The following CDH13 variants were observed in gnomAD, a reference collection of about 807,000 sequenced individuals.
The protein encoded by CDH13 is cadherin-13.
A neutral mutation model predicts 63.8 loss-of-function variants in CDH13; 24 were observed. The observed-to-expected ratio is 0.38, with a 90% CI of 0.27 to 0.53. The LOEUF (loss-of-function observed/expected upper bound fraction) is 0.53, where lower values mean the gene tolerates loss of function less well. Ranked by LOEUF, CDH13 falls within the 20% of genes least tolerant of loss-of-function variation. The probability of loss-of-function intolerance (pLI) is 0.85; values close to 1 mark genes in which losing one functional copy is unlikely to be tolerated. For missense variants in CDH13, 1,049 were observed against 903.1 expected, an observed-to-expected ratio of 1.16 and a Z score of -2.07; for synonymous variants, 503 against 355.3, an observed-to-expected ratio of 1.42 and a Z score of -4.67.
At chr16:83,687,454 C>T (rs1184276718) in intron 10 of CDH13, among the ~76,000 whole-genome samples, 1 of 152,126 alleles carries the variant, frequency 6.6e-6, no homozygotes, top group African/African-American at 2.4e-5. Flanking sequence ...CGAGGTGCTA[C>T]ACACTTTTAA....
chr16:83,191,177 C>A (rs2038685104), intron 4 of CDH13, among the ~76,000 whole-genome samples: 1 of 145,838 alleles, frequency 6.9e-6, no homozygotes, highest in Admixed American at 7.1e-5. Flanking sequence ...GAATAAGAAC[C>A]TGCCTCCTGA....
intron 1 of CDH13, among the ~76,000 whole-genome samples, chr16:82,697,221 C>G (rs368517634): frequency 8.5e-5 from 13 of 152,106 alleles, no homozygotes; most frequent in Non-Finnish European, 1.9e-4. Context: ...AACCACCACA[C>G]TATGTCATCA....
chr16:83,217,657 G>C (rs978592912), intron 5 of CDH13, among the ~76,000 whole-genome samples, 160 bp downstream of exon 5: 6 of 152,130 alleles, frequency 3.9e-5, no homozygotes, highest in African/African-American at 1.4e-4. Context: ...ATTGAACCCT[G>C]ACAGGGCAAC....
At chr16:83,100,581 G>C (rs952654996) in intron 3 of CDH13, among the ~76,000 whole-genome samples, 1 of 152,176 alleles carries the variant, frequency 6.6e-6, no homozygotes, top group Non-Finnish European at 1.5e-5. Context: ...TGGTCCTGTA[G>C]TCCTCATCAC....
intron 2 of CDH13, among the ~76,000 whole-genome samples, chr16:82,994,043 C>G (rs563391812): frequency 1.3e-5 from 2 of 152,326 alleles, no homozygotes; most frequent in South Asian, 4.1e-4. Flanking sequence ...CCCATTCCCT[C>G]TGGTGCTGGT....
chr16:83,586,598 GC>G (rs1906182942), intron 7 of CDH13, among the ~76,000 whole-genome samples: 1 of 152,188 alleles, frequency 6.6e-6, no homozygotes, highest in Non-Finnish European at 1.5e-5. Flanking sequence ...AAGAGGCTTA[GC>G]CCTTGTCAGC....
intron 1 of CDH13, among the ~76,000 whole-genome samples, chr16:82,694,914 C>G (rs971559531): frequency 6.6e-6 from 1 of 152,092 alleles, no homozygotes; most frequent in Non-Finnish European, 1.5e-5. Context: ...ACAGATGGAA[C>G]TGAGGAGTCA....
At chr16:83,661,956 C>A (rs1913482070) in intron 8 of CDH13, among the ~76,000 whole-genome samples, 1 of 152,168 alleles carries the variant, frequency 6.6e-6, no homozygotes. Context: ...TTCATTTTCT[C>A]TCTCAGTGGA....
At chr16:83,447,969 GCT>G (rs2072761498) in intron 6 of CDH13, among the ~76,000 whole-genome samples, 3 of 152,096 alleles carry the variant, frequency 2.0e-5, no homozygotes, top group Admixed American at 2.0e-4. Context: ...GAAAAAGATT[GCT>G]CTGGGAGTTT....
At chr16:83,259,526 C>A (rs1308091411) in intron 5 of CDH13, among the ~76,000 whole-genome samples, 5 of 152,074 alleles carry the variant, frequency 3.3e-5, no homozygotes, top group Non-Finnish European at 5.9e-5. Flanking sequence ...CATTATGTTA[C>A]AAATGCATCC....
At chr16:83,618,219 G>C (rs527322216) in intron 8 of CDH13, among the ~76,000 whole-genome samples, 1 of 152,196 alleles carries the variant, frequency 6.6e-6, no homozygotes, top group Non-Finnish European at 1.5e-5. Flanking sequence ...AAGCTCAGGA[G>C]TTCAAGACCA....
intron 6 of CDH13, among the ~76,000 whole-genome samples, chr16:83,480,822 G>C (rs1049000980): frequency 1.3e-5 from 2 of 152,022 alleles, no homozygotes; most frequent in Non-Finnish European, 2.9e-5. Context: ...AATGAGAATC[G>C]TTCCAACTAG....
chr16:82,675,468 C>T (rs1039241389), intron 1 of CDH13, among the ~76,000 whole-genome samples: 8 of 152,112 alleles, frequency 5.3e-5, no homozygotes, highest in Non-Finnish European at 2.9e-5. Flanking sequence ...GTAAGCTTGC[C>T]ATTACCAAGG....
intron 4 of CDH13, among the ~76,000 whole-genome samples, chr16:83,216,826 A>G (rs1028917495): frequency 1.9e-4 from 29 of 151,172 alleles, no homozygotes; most frequent in African/African-American, 6.6e-4. Flanking sequence ...ATGTGTATAT[A>G]TGTATATGTA....
At chr16:83,717,807 C>T (rs1028243661) in intron 10 of CDH13, 3 of 152,208 alleles carry the variant, frequency 2.0e-5, no homozygotes, top group African/African-American at 4.8e-5. Flanking sequence ...AAAATCTTAC[C>T]GTGCACGTTC....
At chr16:83,544,609 A>G (rs956139473) in intron 7 of CDH13, among the ~76,000 whole-genome samples, 1 of 152,294 alleles carries the variant, frequency 6.6e-6, no homozygotes, top group South Asian at 2.1e-4. Context: ...ATGGCACCAC[A>G]TGTTGCTAAC....
At chr16:82,791,623 G>A (rs112379981) in intron 1 of CDH13, among the ~76,000 whole-genome samples, 7,030 of 152,224 alleles carry the variant, frequency 0.046, 247 homozygotes, top group Non-Finnish European at 0.072. Flanking sequence ...TGCTGCCGTC[G>A]CAGACCCGTG....
At chr16:83,029,155 C>G (rs1916080852) in intron 2 of CDH13, among the ~76,000 whole-genome samples, 1 of 152,146 alleles carries the variant, frequency 6.6e-6, no homozygotes, top group Non-Finnish European at 1.5e-5. Context: ...CTGCATTATC[C>G]ACTATTATTA....
At chr16:82,774,746 G>A (rs756671578) in intron 1 of CDH13, among the ~76,000 whole-genome samples, 1 of 152,152 alleles carries the variant, frequency 6.6e-6, no homozygotes, top group Non-Finnish European at 1.5e-5. Context: ...CTGCATTCAT[G>A]AACAGTCACA....
Sources: gnomAD v4.1 joint callset for allele counts (sites outside exome capture counted in the v4.1 genomes callset) on GRCh38, gnomAD v4.1.1 for gene constraint, MANE v1.5 for transcripts, NCBI Gene and HGNC (gene_info 2026-07-23, HGNC 2026-07-21) for gene names.